The following TG variants were observed in gnomAD, a reference collection of about 807,000 sequenced individuals.
TG encodes the protein thyroglobulin, also known as thyroid hormones.
A neutral mutation model predicts 324.7 loss-of-function variants in TG; 270 were observed. The observed-to-expected ratio is 0.83, with a 90% CI of 0.75 to 0.92. The LOEUF (loss-of-function observed/expected upper bound fraction) is 0.92. TG is among the 40% of genes least tolerant of loss of function. The probability of loss-of-function intolerance (pLI) is 0.00; values close to 1 mark genes in which losing one functional copy is unlikely to be tolerated. For missense variants in TG, 3,591 were observed against 3,456.4 expected (o/e 1.04, Z -0.98); for synonymous variants, 1,401 against 1,327.0 (o/e 1.06, Z -1.21).
intron 35 of TG, among the ~76,000 whole-genome samples, chr8:132,985,054 A>G (rs200885144): frequency 2.0e-5 from 3 of 151,872 alleles, no homozygotes; most frequent in Non-Finnish European, 2.9e-5. Context: ...TTTTTTTCTC[A>G]TCCTGGCCTC....
chr8:133,051,022 A>G (rs752177888), intron 41 of TG: 15 of 671,612 alleles, frequency 2.2e-5, no homozygotes, highest in South Asian at 3.4e-5. Context: ...TTCCAGCAGG[A>G]AATACCTTTC....
intron 35 of TG, among the ~76,000 whole-genome samples, chr8:132,986,311 A>G (rs1381888122): frequency 1.3e-5 from 2 of 151,248 alleles, no homozygotes; most frequent in Non-Finnish European, 2.9e-5. Context: ...TTGTATATAT[A>G]TATGTGTGTG....
chr8:132,998,319 C>T (rs568334319), intron 35 of TG, among the ~76,000 whole-genome samples: 9 of 152,110 alleles, frequency 5.9e-5, no homozygotes, highest in Non-Finnish European at 1.2e-4. Context: ...CCTGAGAGAG[C>T]GGCAAGCACT....
intron 34 of TG, among the ~76,000 whole-genome samples, chr8:132,973,041 G>C (rs1347603808): frequency 2.6e-5 from 4 of 152,150 alleles, no homozygotes; most frequent in Non-Finnish European, 5.9e-5. Flanking sequence ...TCATTAATCT[G>C]CTCCATAGGG....
intron 21 of TG, among the ~76,000 whole-genome samples, 158 bp downstream of exon 21, chr8:132,919,683 C>T (rs955545209): frequency 2.0e-5 from 3 of 152,196 alleles, no homozygotes; most frequent in Admixed American, 1.3e-4. Context: ...ATTGGTAGCT[C>T]TCAGATGCCA....
intron 24 of TG, among the ~76,000 whole-genome samples, chr8:132,934,345 C>CA (rs1304312602): frequency 6.6e-6 from 1 of 151,752 alleles, no homozygotes; most frequent in African/African-American, 2.4e-5. Context: ...AAAAAACAAA[C>CA]AAAAAAACCT....
chr8:133,056,119 C>T (rs1841405784), intron 41 of TG, among the ~76,000 whole-genome samples: 1 of 152,126 alleles, frequency 6.6e-6, no homozygotes, highest in Admixed American at 6.5e-5. Flanking sequence ...CTCAGGTCTC[C>T]TTTGACATAG....
intron 45 of TG, among the ~76,000 whole-genome samples, chr8:133,119,656 T>C (rs1336314215): frequency 6.6e-6 from 1 of 152,182 alleles, no homozygotes; most frequent in Admixed American, 6.5e-5. Flanking sequence ...TGTCTCTTAA[T>C]ACAAACACAC....
At chr8:133,026,855 G>A (rs935778289) in intron 40 of TG, among the ~76,000 whole-genome samples, 1 of 152,194 alleles carries the variant, frequency 6.6e-6, no homozygotes, top group Admixed American at 6.5e-5. Context: ...GCAACATAAC[G>A]TTAGAACCTA....
chr8:133,060,492 A>C (rs948369435), intron 41 of TG: 1 of 854,250 alleles, frequency 1.2e-6, no homozygotes, highest in Non-Finnish European at 1.7e-6. Flanking sequence ...AAGCAGCCAC[A>C]GCAGGGTTTG....
Position 132,944,519 on chromosome 8 carries a change from A to G in TG, c.5233+2977A>G, listed in dbSNP as rs572438120. Among the ~76,000 whole-genome samples the G allele has an allele frequency of 1.4e-4, 21 of 152,336 alleles. No individual in the cohort carries two copies. In the Middle Eastern group the frequency reaches 0.024, roughly 173 times the overall value. ...TTTATCCTCAGCCTTTAGGACAGCC[A>G]TGCTCACTGTAGGTGCAGAGGAATG... On this transcript the variant is annotated intron_variant, in intron 26 of 47. Transcript: ENST00000220616.
At position 132,867,074 on chromosome 8, in the gene TG, T is replaced by C; in HGVS notation, c.67+7T>C. ...GTGTCGGCCAATATCTTCGGTAAGT[T>C]CTGAGGCCATGGAGCCAGGCGGTGG... On this transcript the variant is annotated splice_region_variant and intron_variant, in intron 1 of 47. Transcript: ENST00000220616. 1.9e-6 allele frequency: 3 copies of C among 1,595,032 alleles called. No homozygotes were observed.
intron 41 of TG, chr8:133,038,661 T>G: frequency 1.2e-6 from 2 of 1,613,854 alleles, no homozygotes; most frequent in Non-Finnish European, 1.7e-6. Context: ...GAGGCAATGC[T>G]CTCTCGAAGG....
intron 41 of TG, 64 bp from the exon 42 acceptor site, chr8:133,094,980 C>T: frequency 1.2e-6 from 2 of 1,607,588 alleles, no homozygotes; most frequent in Non-Finnish European, 1.7e-6. Flanking sequence ...GCACTGAGGA[C>T]TCCAGGTGAG....
At chr8:132,904,845 C>T (rs2132316165) in intron 16 of TG, among the ~76,000 whole-genome samples, 1 of 152,328 alleles carries the variant, frequency 6.6e-6, no homozygotes, top group Non-Finnish European at 1.5e-5. Flanking sequence ...TGCTTACACA[C>T]TCATTGACAC....
At chr8:133,128,337 G>GCACA (rs59451880) in intron 45 of TG, among the ~76,000 whole-genome samples, 19,242 of 133,516 alleles carry the variant, frequency 0.14, 1,620 homozygotes, top group Admixed American at 0.24. Context: ...CAAAAGGCGT[G>GCACA]CACACACACA....
chr8:133,076,869 G>C (rs926605647), intron 41 of TG: 1 of 152,092 alleles, frequency 6.6e-6, no homozygotes, highest in Non-Finnish European at 1.5e-5. Flanking sequence ...TGTGGGTCAC[G>C]GGAAAAGAAC....
intron 41 of TG, among the ~76,000 whole-genome samples, chr8:133,060,988 G>A (rs770148653): frequency 6.6e-6 from 1 of 152,180 alleles, no homozygotes; most frequent in Non-Finnish European, 1.5e-5. Context: ...CAAGCTAGAT[G>A]ACTTCGGGCA....
chr8:133,017,711 C>A (rs752922252), intron 37 of TG, 67 bp from the exon 38 acceptor site: 5 of 1,430,630 alleles, frequency 3.5e-6, no homozygotes, highest in African/African-American at 1.4e-5. Context: ...ATTCAGAATG[C>A]CAGTGGAGAG....
Sources: gnomAD v4.1 joint callset for allele counts (sites outside exome capture counted in the v4.1 genomes callset) on GRCh38, gnomAD v4.1.1 for gene constraint, MANE v1.5 for transcripts, NCBI Gene and HGNC (gene_info 2026-07-23, HGNC 2026-07-21) for gene names.